The following DOCK8 variants were observed in gnomAD, a reference collection of about 807,000 sequenced individuals.
DOCK8 encodes the protein dedicator of cytokinesis protein 8.
DOCK8 carries 141 observed loss-of-function variants against 245.6 expected under a neutral mutation model. The ratio of observed to expected loss-of-function variants is 0.57; its 90% CI spans 0.50 to 0.66. The LOEUF (loss-of-function observed/expected upper bound fraction) is 0.66. Ranked by LOEUF, DOCK8 falls within the 30% of genes least tolerant of loss-of-function variation. The pLI is 0.00. For missense variants in DOCK8, 2,965 were observed against 2,603.4 expected, an observed-to-expected ratio of 1.14 and a Z score of -3.02; for synonymous variants, 1,168 against 970.2, an observed-to-expected ratio of 1.20 and a Z score of -3.79.
intron 1 of DOCK8, among the ~76,000 whole-genome samples, chr9:260,094 C>T (rs1473669212): frequency 6.6e-6 from 1 of 152,174 alleles, no homozygotes; most frequent in East Asian, 1.9e-4. Flanking sequence ...AGGTGTGGAC[C>T]TCTCAGCCCT....
At chr9:261,766 G>A (rs1295864127) in intron 1 of DOCK8, among the ~76,000 whole-genome samples, 2 of 151,912 alleles carry the variant, frequency 1.3e-5, no homozygotes, top group Non-Finnish European at 2.9e-5. Context: ...TATATTTTGA[G>A]CCTATATTAC....
intron 1 of DOCK8, among the ~76,000 whole-genome samples, chr9:228,598 T>G (rs2047037522): frequency 6.6e-6 from 1 of 152,186 alleles, no homozygotes; most frequent in Non-Finnish European, 1.5e-5. Flanking sequence ...AGCATGGCCC[T>G]ACTCGCACTT....
At chr9:302,845 T>G (rs1454703269) in intron 4 of DOCK8, among the ~76,000 whole-genome samples, 1 of 151,926 alleles carries the variant, frequency 6.6e-6, no homozygotes, top group Non-Finnish European at 1.5e-5. Context: ...AGTCATAAAA[T>G]AGACTGGGCA....
chr9:414,689 C>T, intron 28 of DOCK8, 93 bp from the exon 29 acceptor site: 3 of 1,504,442 alleles, frequency 2.0e-6, no homozygotes, highest in South Asian at 2.3e-5. Flanking sequence ...CACCTCATTG[C>T]TTAGGAGCGT....
rs1165346763 is a variant in DOCK8 at position 328,941 on chromosome 9, C to CTTTT, written c.1044+793_1044+796dup. Among the ~76,000 whole-genome samples the CTTTT allele has an allele frequency of 1.8e-4, 13 of 71,400 alleles. 1 individual carries two copies. The highest frequency in any genetic ancestry group is 2.9e-4 in the African/African-American group (5 of 17,478). 46.8% of individuals were successfully genotyped at this position (71,400 alleles called of 152,430 possible). A position where few individuals can be genotyped will look rare whatever the true frequency, so the allele number is the denominator to read the frequency against. ...GGCCAGATAATTGGTCTTATTGATTCTTTTTTTTTTTTTTTTTTTTTTTTT... is the reference window on the plus strand; with the variant it reads ...GGCCAGATAATTGGTCTTATTGATTCTTTTTTTTTTTTTTTTTTTTTTTTTTTTT... On this transcript the variant is annotated intron_variant, in intron 9 of 47. Transcript: ENST00000432829.
At chr9:248,807 C>G (rs773318557) in intron 1 of DOCK8, among the ~76,000 whole-genome samples, 4 of 152,132 alleles carry the variant, frequency 2.6e-5, no homozygotes, top group African/African-American at 4.8e-5. Context: ...TGAGATAGTG[C>G]TGTTACCAAA....
chr9:301,669 A>G (rs1221011594), intron 4 of DOCK8, among the ~76,000 whole-genome samples: 2 of 152,232 alleles, frequency 1.3e-5, no homozygotes, highest in Non-Finnish European at 2.9e-5. Flanking sequence ...TACAAAATCA[A>G]TGTACAAAAG....
At chr9:219,499 G>A (rs370992977) in intron 1 of DOCK8, among the ~76,000 whole-genome samples, 1 of 152,054 alleles carries the variant, frequency 6.6e-6, no homozygotes, top group Non-Finnish European at 1.5e-5. Flanking sequence ...AATAAAAAAG[G>A]AACAAAGTAT....
chr9:239,815 C>CT (rs2047339479), intron 1 of DOCK8, among the ~76,000 whole-genome samples: 1 of 152,120 alleles, frequency 6.6e-6, no homozygotes, highest in Non-Finnish European at 1.5e-5. Context: ...TCATAACCTG[C>CT]TTTTTTATTT....
intron 5 of DOCK8, among the ~76,000 whole-genome samples, chr9:305,573 C>A (rs1004187642): frequency 1.3e-5 from 2 of 152,162 alleles, no homozygotes; most frequent in Non-Finnish European, 2.9e-5. Context: ...GCATGAGCCA[C>A]CACGCCTGGC....
chr9:406,685 C>G (rs1216545636), intron 27 of DOCK8, among the ~76,000 whole-genome samples: 1 of 151,966 alleles, frequency 6.6e-6, no homozygotes, highest in African/African-American at 2.4e-5. Flanking sequence ...ATTCATTTTT[C>G]AACAGACCCG....
At chr9:227,306 C>T (rs532687521) in intron 1 of DOCK8, among the ~76,000 whole-genome samples, 24 of 152,246 alleles carry the variant, frequency 1.6e-4, no homozygotes, top group East Asian at 1.2e-3. Context: ...TTACTTCCCT[C>T]GTAGAGGTTT....
intron 36 of DOCK8, 61 bp from the exon 37 acceptor site, chr9:432,105 G>A (rs1587020265): frequency 6.3e-7 from 1 of 1,582,484 alleles, no homozygotes; most frequent in East Asian, 2.2e-5. Flanking sequence ...GCTGCTTTCA[G>A]TTATCTACTG....
intron 1 of DOCK8, among the ~76,000 whole-genome samples, chr9:257,644 T>C (rs1432722781): frequency 3.9e-5 from 6 of 152,146 alleles, no homozygotes; most frequent in Admixed American, 2.0e-4. Flanking sequence ...CTCAGCCTCC[T>C]GAGTAGCTGG....
At chr9:272,946 T>C (rs1209190352) in intron 2 of DOCK8, 1 of 726,526 alleles carries the variant, frequency 1.4e-6, no homozygotes, top group Non-Finnish European at 1.7e-6. Flanking sequence ...GTTCTGCTGC[T>C]TATCTTGAAG....
At chr9:370,145 C>A in intron 15 of DOCK8, 85 bp from the exon 16 acceptor site, 2 of 1,189,818 alleles carry the variant, frequency 1.7e-6, no homozygotes, top group Non-Finnish European at 2.5e-6. Context: ...TCTATGAGAC[C>A]AGAACATCCT....
intron 14 of DOCK8, among the ~76,000 whole-genome samples, chr9:352,270 C>A (rs1328436563): frequency 6.6e-6 from 1 of 152,102 alleles, no homozygotes; most frequent in African/African-American, 2.4e-5. Context: ...CAGCATTGAG[C>A]ATGGAATTAT....
chr9:244,187 G>GA (rs60148430), intron 1 of DOCK8, among the ~76,000 whole-genome samples: 921 of 88,254 alleles, frequency 0.01, 10 homozygotes, highest in African/African-American at 0.028. Flanking sequence ...GACTCCGTCT[G>GA]AAAAAAAAAA....
chr9:245,407 C>T (rs753923738), intron 1 of DOCK8, among the ~76,000 whole-genome samples: 3 of 151,978 alleles, frequency 2.0e-5, no homozygotes, highest in Non-Finnish European at 4.4e-5. Context: ...GGTGTTTCAC[C>T]ATGTTGGCCA....
Sources: allele counts gnomAD v4.1 joint callset (sites outside exome capture counted in the v4.1 genomes callset), GRCh38; gene constraint gnomAD v4.1.1; transcripts MANE v1.5; gene names NCBI Gene and HGNC (gene_info 2026-07-23, HGNC 2026-07-21).